PCDH15: variants seen among roughly 807,000 people sequenced by gnomAD.
The protein encoded by PCDH15 is protocadherin-15.
A neutral mutation model predicts 178.5 loss-of-function variants in PCDH15; 129 were observed. The observed-to-expected ratio is 0.72, with a 90% CI of 0.63 to 0.84. PCDH15 has a LOEUF of 0.84. Ranked by LOEUF, PCDH15 falls within the 40% of genes least tolerant of loss-of-function variation. PCDH15 has a pLI of 0.00. For missense variants in PCDH15, 2,230 were observed against 2,099.9 expected, an observed-to-expected ratio of 1.06 and a Z score of -1.21; for synonymous variants, 800 against 732.0, an observed-to-expected ratio of 1.09 and a Z score of -1.50.
intron 2 of PCDH15, among the ~76,000 whole-genome samples, chr10:54,565,549 T>C (rs1003325087): frequency 6.6e-6 from 1 of 152,182 alleles, no homozygotes; most frequent in Admixed American, 6.5e-5. Context: ...TTCTGAATGA[T>C]GAAGACAATG....
intron 5 of PCDH15, among the ~76,000 whole-genome samples, chr10:54,354,280 C>A (rs11004253): frequency 6.6e-6 from 1 of 152,074 alleles, no homozygotes; most frequent in Non-Finnish European, 1.5e-5. Context: ...CCACTGTGCC[C>A]GGCCCATATG....
chr10:54,339,703 CAA>C (rs1341255886), intron 6 of PCDH15, among the ~76,000 whole-genome samples: 1 of 152,142 alleles, frequency 6.6e-6, no homozygotes, highest in East Asian at 1.9e-4. Context: ...CACTTTTTAA[CAA>C]AGAACCATAC....
chr10:54,673,274 C>T (rs2094712169), intron 1 of PCDH15, among the ~76,000 whole-genome samples: 1 of 151,632 alleles, frequency 6.6e-6, no homozygotes, highest in Admixed American at 6.6e-5. Context: ...CTCTCTGTGT[C>T]CATGTGTTTT....
At chr10:54,858,386 G>C (rs551859369) in intron 3 of PCDH15, among the ~76,000 whole-genome samples, 4 of 152,248 alleles carry the variant, frequency 2.6e-5, no homozygotes, top group African/African-American at 9.6e-5. Context: ...GCTACTCCTT[G>C]TTTGTATAGC....
intron 2 of PCDH15, among the ~76,000 whole-genome samples, chr10:54,984,413 C>T (rs1279190211): frequency 1.3e-5 from 2 of 152,202 alleles, no homozygotes; most frequent in Non-Finnish European, 2.9e-5. Flanking sequence ...GGAAGAAATG[C>T]AACACAGAGA....
chr10:54,046,531 CTCTAAAATTCTGT>C (rs2135565773), intron 18 of PCDH15, among the ~76,000 whole-genome samples: 1 of 152,194 alleles, frequency 6.6e-6, no homozygotes, highest in African/African-American at 2.4e-5. Context: ...TGCACACACA[CTCTAAAATTCTGT>C]TTACAGGCTT....
In PCDH15 at chr10:54,887,331, T is replaced by A. The variant is rs545056301; in HGVS notation, c.-29+10119A>T. The stretch of plus-strand genomic sequence containing the variant: ...ATGATGAAGAGATGCCTTTTGAAAA[T>A]TTACATATTTATAGTGTTTATTTTG... On this transcript the variant is annotated intron_variant, in intron 3 of 5. Transcript: ENST00000458638. Among the ~76,000 whole-genome samples, 4 of 152,278 alleles carry A rather than the reference T, an allele frequency of 2.6e-5. No individual in the cohort carries two copies. The East Asian group carries it at 7.7e-4, about 29-fold the overall frequency.
intron 1 of PCDH15, among the ~76,000 whole-genome samples, chr10:54,744,749 CCTT>C (rs1945245710): frequency 6.6e-6 from 1 of 151,994 alleles, no homozygotes; most frequent in Non-Finnish European, 1.5e-5. Context: ...AAGTATGTCT[CCTT>C]CTCTGGCAGT....
At chr10:54,554,968 A>G (rs1164953537) in intron 2 of PCDH15, among the ~76,000 whole-genome samples, 1 of 152,174 alleles carries the variant, frequency 6.6e-6, no homozygotes, top group Non-Finnish European at 1.5e-5. Flanking sequence ...ACATTGATAG[A>G]TAACTGTAAG....
At chr10:55,191,283 A>G (rs780549969) in intron 1 of PCDH15, among the ~76,000 whole-genome samples, 2 of 151,712 alleles carry the variant, frequency 1.3e-5, no homozygotes, top group African/African-American at 2.4e-5. Flanking sequence ...CTTTTTATCT[A>G]CTTTTCTATC....
intron 2 of PCDH15, among the ~76,000 whole-genome samples, chr10:55,602,035 G>C (rs917133789): frequency 6.6e-6 from 1 of 152,106 alleles, no homozygotes; most frequent in Non-Finnish European, 1.5e-5. Flanking sequence ...TGCACGCGCC[G>C]TGCACCAGCC....
chr10:54,842,694 C>A, intron 3 of PCDH15, among the ~76,000 whole-genome samples: 1 of 151,694 alleles, frequency 6.6e-6, no homozygotes, highest in South Asian at 2.1e-4. Context: ...ACTACAACAG[C>A]GATTATCTTA....
At chr10:54,309,649 A>G (rs1368275235) in intron 8 of PCDH15, among the ~76,000 whole-genome samples, 1 of 151,956 alleles carries the variant, frequency 6.6e-6, no homozygotes, top group East Asian at 1.9e-4. Flanking sequence ...TACAAAAATT[A>G]GCCGGGTGTG....
intron 3 of PCDH15, among the ~76,000 whole-genome samples, chr10:54,808,903 G>T (rs1420746475): frequency 1.3e-5 from 2 of 151,392 alleles, no homozygotes; most frequent in Non-Finnish European, 2.9e-5. Context: ...TCATTTTTAG[G>T]CTGATTTAGC....
chr10:53,981,454 C>T (rs2134617788), intron 21 of PCDH15, among the ~76,000 whole-genome samples: 1 of 152,272 alleles, frequency 6.6e-6, no homozygotes, highest in Admixed American at 6.5e-5. Flanking sequence ...CAGCATGGTA[C>T]TGGTACCAAA....
chr10:55,237,273 A>C (rs949328155), intron 1 of PCDH15, among the ~76,000 whole-genome samples: 1 of 152,120 alleles, frequency 6.6e-6, no homozygotes. Context: ...TGTGTTGAAG[A>C]AAAAACAGCC....
At chr10:55,262,133 AGAT>A (rs1842162069) in intron 1 of PCDH15, among the ~76,000 whole-genome samples, 1 of 135,728 alleles carries the variant, frequency 7.4e-6, no homozygotes, top group Non-Finnish European at 1.6e-5. Context: ...AAGAAAAGAA[AGAT>A]GAAGGAAGGA....
chr10:54,812,476 T>G (rs1952879094), intron 3 of PCDH15, among the ~76,000 whole-genome samples: 1 of 151,950 alleles, frequency 6.6e-6, no homozygotes, highest in Admixed American at 6.6e-5. Context: ...GTTTTGTTTT[T>G]TGAGACGGAG....
At chr10:55,382,841 G>A (rs983475168) in intron 2 of PCDH15, among the ~76,000 whole-genome samples, 4 of 152,204 alleles carry the variant, frequency 2.6e-5, no homozygotes, top group African/African-American at 9.6e-5. Flanking sequence ...CAAACCCCTT[G>A]TGGGAGGAGG....
Sources: allele counts gnomAD v4.1 joint callset (sites outside exome capture counted in the v4.1 genomes callset), GRCh38; gene constraint gnomAD v4.1.1; transcripts MANE v1.5; gene names NCBI Gene and HGNC (gene_info 2026-07-23, HGNC 2026-07-21).